Variants in FAM171A2 observed in about 807,000 individuals in gnomAD.
FAM171A2 encodes protein FAM171A2.
A neutral mutation model predicts 34.2 loss-of-function variants in FAM171A2; 13 were observed. The observed-to-expected ratio is 0.38, with a 90% CI of 0.25 to 0.60. FAM171A2 has a LOEUF of 0.60. Ranked by LOEUF, FAM171A2 falls within the 20% of genes least tolerant of loss-of-function variation. The pLI is 0.62. For synonymous variants in FAM171A2, 475 were observed against 561.2 expected, an observed-to-expected ratio of 0.85 and a Z score of 2.17; for missense variants, 950 against 1,180.7, an observed-to-expected ratio of 0.80 and a Z score of 2.86.
chr17:44,353,852 C>G lies in FAM171A2; in HGVS notation c.2362G>C (p.Asp788His), dbSNP rs1190411629. Residue 788 changes from aspartate (D) to histidine (H), a missense_variant, in exon 8 of 8, where the codon GAC becomes CAC. Asp to His is a moderately conservative substitution (Grantham distance 81). Coordinates refer to ENST00000293443, the MANE Select transcript of FAM171A2 (RefSeq NM_198475.3). The stretch of plus-strand genomic sequence containing the variant: ...TCGTCCTCCGGGCTGGTGAGCGAGT[C>G]GCGCCGCAGCTCGCTGGCGCTGCTG... ...SRSSASELRRDSLTSPEDELG... is the reference protein window; with the variant it reads ...SRSSASELRRHSLTSPEDELG... 58 of 1,390,576 alleles carry G rather than the reference C, an allele frequency of 4.2e-5. No individual in the cohort carries two copies. Among genetic ancestry groups the G allele is most frequent in the Non-Finnish European group, 5.2e-5 (56 of 1,071,454 alleles). 86.1% of individuals were successfully genotyped at this position (1,390,576 alleles called of 1,614,324 possible).
chr17:44,356,242 C>T lies in FAM171A2; in HGVS notation c.709G>A (p.Val237Met), dbSNP rs548562099. The T allele has an allele frequency of 5.2e-6, 8 of 1,551,496 alleles. No individual in the cohort carries two copies. In the East Asian group the frequency reaches 7.3e-5, roughly 14 times the overall value. The change falls in exon 5 of 8, where the codon GTG becomes ATG. Residue 237 changes from valine (V) to methionine (M), a missense_variant. By Grantham distance (21) the Val-to-Met change is conservative (BLOSUM62 1). Around this residue, in one of 3 missense-constraint regions of FAM171A2, gnomAD observed 752 missense variants for 924.5 expected, o/e 0.81. Transcript: ENST00000293443. ...LSGPIHLSLP[V>M]PSETRALTVG... is the part of the protein sequence containing the mutation. ...GTGAGGGCACGAGTCTCGGAGGGCA[C>T]GGGCAGGGACAGGTGAATGGGGCCT... is the stretch of plus-strand genomic sequence containing the variant.
chr17:44,356,400 G>T lies in FAM171A2; in HGVS notation c.598+30C>A, dbSNP rs369333998. 14 of 1,547,954 alleles carry T rather than the reference G, an allele frequency of 9.0e-6. No homozygotes were observed. In the South Asian group the frequency reaches 9.5e-5, roughly 11 times the overall value. On this transcript the variant is annotated intron_variant, in intron 4 of 7. Transcript: ENST00000293443. Reference sequence around the variant, plus strand: ...TGAGGGCTGATCCTGAGCCTGGGGAGACCCCATCCGTGCTGGGCACCCAGC... The same window carrying T: ...TGAGGGCTGATCCTGAGCCTGGGGATACCCCATCCGTGCTGGGCACCCAGC...
At position 44,356,486 on chromosome 17, in the gene FAM171A2, G is replaced by C; in HGVS notation, c.542C>G (p.Thr181Ser). 1 of 1,550,878 alleles carries C rather than the reference G, an allele frequency of 6.4e-7. No individual in the cohort carries two copies. The highest frequency in any genetic ancestry group is 1.8e-4 in the Middle Eastern group (1 of 5,550). Residue 181 changes from threonine (T) to serine (S), a missense_variant, in exon 4 of 8, where the codon ACC becomes AGC. By Grantham distance (58) the Thr-to-Ser change is moderately conservative (BLOSUM62 1). Around this residue, in one of 3 missense-constraint regions of FAM171A2, gnomAD observed 752 missense variants for 924.5 expected, o/e 0.81. Transcript: ENST00000293443. ...AGGGAAAGCCCGCATTTCCTGCTGG[G>C]TGCTGGCAGGCGTAAGTGACGCCCA... is the stretch of plus-strand genomic sequence containing the variant. Reference protein sequence around the residue: ...QLWASLTPASTQQEMRAFPAF... With the variant: ...QLWASLTPASSQQEMRAFPAF...
Position 44,356,623 on chromosome 17 carries a change from T to C in FAM171A2, c.440-35A>G, listed in dbSNP as rs1466044678. Reference sequence around the variant, plus strand: ...AAGAGGGGCTGCAGTGGCTTGACCATGGACAGGGATCCCCAGGGACCAGAG... The same window carrying C: ...AAGAGGGGCTGCAGTGGCTTGACCACGGACAGGGATCCCCAGGGACCAGAG... On this transcript the variant is annotated intron_variant, in intron 3 of 7. Coordinates refer to ENST00000293443, the MANE Select transcript of FAM171A2 (RefSeq NM_198475.3). 4.6e-6 allele frequency: 7 copies of C among 1,509,438 alleles called. No individual in the cohort carries two copies. The East Asian group carries it at 1.7e-4, about 37-fold the overall frequency. 93.5% of individuals were successfully genotyped at this position (1,509,438 alleles called of 1,614,324 possible).
chr17:44,355,339 G>A lies in FAM171A2; in HGVS notation c.1023-148C>T, dbSNP rs1301137391. ...CGCTCAGGAGAGATGGCGGGGAGCC[G>A]CCGTGTCCGTTTGGCGATCCCCTCA... On this transcript the variant is annotated intron_variant, in intron 7 of 7. Coordinates refer to ENST00000293443, the MANE Select transcript of FAM171A2 (RefSeq NM_198475.3). This position sits in a 1 kb window ranked among gnomAD's most constrained non-coding sequence, Gnocchi z 4.1. The A allele has an allele frequency of 5.1e-6, 7 of 1,374,856 alleles. No individual in the cohort carries two copies. Among genetic ancestry groups the A allele is most frequent in the African/African-American group, 1.5e-5 (1 of 68,502 alleles). The allele number at this position is 1,374,856 out of a possible 1,614,324, so 85.2% of individuals were successfully genotyped here. A position where few individuals can be genotyped will look rare whatever the true frequency, so the allele number is the denominator to read the frequency against.
intron 3 of FAM171A2, among the ~76,000 whole-genome samples, chr17:44,357,659 T>G (rs545728733): frequency 6.6e-6 from 1 of 151,686 alleles, no homozygotes; most frequent in Non-Finnish European, 1.5e-5. Context: ...AAAAAAAAAT[T>G]AATGAATTTT....
intron 3 of FAM171A2, among the ~76,000 whole-genome samples, chr17:44,358,115 C>T (rs9912969): frequency 0.013 from 1,938 of 152,230 alleles, 41 homozygotes; most frequent in African/African-American, 0.044. Flanking sequence ...AGGGGAGGCC[C>T]TGTGGAGTCT....
Position 44,354,463 on chromosome 17 carries a change from G to C in FAM171A2, c.1751C>G (p.Pro584Arg). 1 of 1,083,644 alleles carries C rather than the reference G, an allele frequency of 9.2e-7. No homozygotes were observed. Among genetic ancestry groups the C allele is most frequent in the Non-Finnish European group, 1.1e-6 (1 of 892,286 alleles). 67.1% of individuals were successfully genotyped at this position (1,083,644 alleles called of 1,614,324 possible). A position where few individuals can be genotyped will look rare whatever the true frequency, so the allele number is the denominator to read the frequency against. The change falls in exon 8 of 8, where the codon CCG becomes CGG. Residue 584 changes from proline (P) to arginine (R), a missense_variant. Physicochemically the swap from Pro to Arg is moderately radical, Grantham distance 103. Transcript: ENST00000293443. The surrounding 1 kb of genome is among the most constrained non-coding windows in gnomAD (Gnocchi z 5.8). ...RAFPQPDPQRPQMPGHSGPGG... is the reference protein window; with the variant it reads ...RAFPQPDPQRRQMPGHSGPGG... The stretch of plus-strand genomic sequence containing the variant: ...CGGGCCCGAGTGGCCCGGCATCTGC[G>C]GGCGCTGGGGGTCGGGCTGGGGAAA...
chr17:44,353,854 C>A lies in FAM171A2; in HGVS notation c.2360G>T (p.Arg787Leu). The A allele has an allele frequency of 1.4e-6, 2 of 1,386,234 alleles. No homozygotes were observed. The highest frequency in any genetic ancestry group is 1.9e-6 in the Non-Finnish European group (2 of 1,069,120). The allele number at this position is 1,386,234 out of a possible 1,614,324, so 85.9% of individuals were successfully genotyped here. A position where few individuals can be genotyped will look rare whatever the true frequency, so the allele number is the denominator to read the frequency against. ...SSRSSASELR[R>L]DSLTSPEDEL... ...GTCCTCCGGGCTGGTGAGCGAGTCG[C>A]GCCGCAGCTCGCTGGCGCTGCTGCG... The change falls in exon 8 of 8, where the codon CGC (arginine) becomes CTC (leucine). Residue 787 changes from arginine to leucine, a missense_variant. Transcript: ENST00000293443.
At chr17:44,356,772 C>T (rs2048426206) in intron 3 of FAM171A2, among the ~76,000 whole-genome samples, 184 bp from the exon 4 acceptor site, 1 of 152,190 alleles carries the variant, frequency 6.6e-6, no homozygotes, top group Admixed American at 6.5e-5. Context: ...GGGACATGGA[C>T]CTGAAATCTC....
chr17:44,355,684 C>T lies in FAM171A2; in HGVS notation c.1022+31G>A. On this transcript the variant is annotated intron_variant, in intron 7 of 7. Transcript: ENST00000293443. The surrounding 1 kb of genome is among the most constrained non-coding windows in gnomAD (Gnocchi z 4.1). Reference sequence around the variant, plus strand: ...GGGGCCCCAGGGCCCGGTACAAGTGCAGGGGAGGGTGAGGGAAGCCCCGTG... The same window carrying T: ...GGGGCCCCAGGGCCCGGTACAAGTGTAGGGGAGGGTGAGGGAAGCCCCGTG... 2 of 1,550,978 alleles carry T rather than the reference C, an allele frequency of 1.3e-6. No individual in the cohort carries two copies. The highest frequency in any genetic ancestry group is 1.7e-6 in the Non-Finnish European group (2 of 1,146,784).
At position 44,356,021 on chromosome 17, in the gene FAM171A2, A is replaced by G. The variant is rs2048421574; in HGVS notation, c.832T>C (p.Tyr278His). The G allele has an allele frequency of 1.9e-6, 3 of 1,548,608 alleles. No individual in the cohort carries two copies. Among genetic ancestry groups the G allele is most frequent in the South Asian group, 2.4e-5 (2 of 83,624 alleles). ...GVIRKEGRQL[Y>H]WTFVSPQLGY... is the part of the protein sequence containing the mutation. ...AGCTGGGGGGAGACGAAGGTCCAGT[A>G]GAGCTGCCGGCCTTCCTTCCGGATT... The change falls in exon 6 of 8, where the codon TAC (tyrosine) becomes CAC (histidine). Residue 278 changes from tyrosine (Y) to histidine (H), a missense_variant. By Grantham distance (83) the Tyr-to-His change is moderately conservative. Transcript: ENST00000293443.
rs1459195695 is a variant in FAM171A2 at position 44,353,698 on chromosome 17, G to C, written c.*35C>G. The stretch of plus-strand genomic sequence containing the variant: ...GGGCGCGCACCCTGGGTGCGGGCCC[G>C]CGCGGGAGGGGCGGTGCCAGGCCCT... On this transcript the variant is annotated 3_prime_UTR_variant, in exon 8 of 8. Transcript: ENST00000293443. 2.7e-5 allele frequency: 35 copies of C among 1,276,810 alleles called. No homozygotes were observed. In the Middle Eastern group the frequency reaches 9.1e-4, roughly 33 times the overall value. The allele number at this position is 1,276,810 out of a possible 1,614,324, so 79.1% of individuals were successfully genotyped here.
Position 44,353,238 on chromosome 17 carries a change from G to A in FAM171A2, c.*495C>T. ...CCTTAACCTCACCAGTTTTATATTT[G>A]CTGCTGCCCACATCGGCTGTATCAC... On this transcript the variant is annotated 3_prime_UTR_variant, in exon 8 of 8. Transcript: ENST00000293443. 3.6e-6 allele frequency: 1 copy of A among 278,782 alleles called. No homozygotes were observed. Among genetic ancestry groups the A allele is most frequent in the Non-Finnish European group, 7.0e-6 (1 of 143,792 alleles). The allele number at this position is 278,782 out of a possible 1,614,324, so 17.3% of individuals were successfully genotyped here.
At chr17:44,363,402 C>A (rs934861105) in intron 1 of FAM171A2, among the ~76,000 whole-genome samples, 195 bp downstream of exon 1, 1 of 152,128 alleles carries the variant, frequency 6.6e-6, no homozygotes, top group Admixed American at 6.5e-5. Flanking sequence ...AAGACCCCCG[C>A]CCCGGACGGC....
At position 44,354,390 on chromosome 17, in the gene FAM171A2, G is replaced by A. The variant is rs1428292172; in HGVS notation, c.1824C>T (p.Arg608=). The A allele has an allele frequency of 2.4e-6, 3 of 1,272,942 alleles. No individual in the cohort carries two copies. The highest frequency in any genetic ancestry group is 3.0e-6 in the Non-Finnish European group (3 of 997,086). 78.9% of individuals were successfully genotyped at this position (1,272,942 alleles called of 1,614,324 possible). A position where few individuals can be genotyped will look rare whatever the true frequency, so the allele number is the denominator to read the frequency against. ...TGACTGAGCCACTGACGGGCGCCGCGCGCCCGGCCCCCCAGCCCTCGCCGC... is the reference window on the plus strand; with the variant it reads ...TGACTGAGCCACTGACGGGCGCCGCACGCCCGGCCCCCCAGCCCTCGCCGC... ...GGGGEGWGAG[R]AAPVSGSVTI... The change falls in exon 8 of 8, where the codon CGC becomes CGT. Residue 608 remains arginine (R), a synonymous_variant. Transcript: ENST00000293443. This position sits in a 1 kb window ranked among gnomAD's most constrained non-coding sequence, Gnocchi z 5.8.
chr17:44,362,394 G>A (rs1474219453), intron 1 of FAM171A2, among the ~76,000 whole-genome samples: 3 of 152,096 alleles, frequency 2.0e-5, no homozygotes, highest in Non-Finnish European at 4.4e-5. Context: ...CACCTCTCCC[G>A]GCTCTAGGCC....
At chr17:44,359,264 A>G (rs913873679) in intron 3 of FAM171A2, 7 of 307,756 alleles carry the variant, frequency 2.3e-5, no homozygotes, top group African/African-American at 4.4e-5. Context: ...GGTGCACAAC[A>G]AATCTGTGTA....
In FAM171A2 at chr17:44,356,000, G is replaced by C. The variant is rs1161245110; in HGVS notation, c.853C>G (p.Gln285Glu). ...RQLYWTFVSP[Q>E]LGYWVAAMAS... Reference sequence around the variant, plus strand: ...ATGGCGGCCACCCAGTACCCCAGCTGGGGGGAGACGAAGGTCCAGTAGAGC... The same window carrying C: ...ATGGCGGCCACCCAGTACCCCAGCTCGGGGGAGACGAAGGTCCAGTAGAGC... The change falls in exon 6 of 8, where the codon CAG becomes GAG. Residue 285 changes from glutamine (Q) to glutamate (E), a missense_variant. By Grantham distance (29) the Gln-to-Glu change is conservative (BLOSUM62 2). Transcript: ENST00000293443. The surrounding 1 kb of genome is among the most constrained non-coding windows in gnomAD (Gnocchi z 4.1). The C allele has an allele frequency of 3.2e-5, 50 of 1,546,842 alleles. No homozygotes were observed. The highest frequency in any genetic ancestry group is 4.0e-5 in the Non-Finnish European group (46 of 1,144,578).
Sources: gnomAD v4.1 joint callset for allele counts (sites outside exome capture counted in the v4.1 genomes callset) on GRCh38, gnomAD v4.1.1 for gene constraint, gnomAD v4.1.1 regional missense constraint, Gnocchi (gnomAD v3.1) non-coding constraint, MANE v1.5 for transcripts, NCBI Gene and HGNC (gene_info 2026-07-23, HGNC 2026-07-21) for gene names.